RBMS1: variants seen among roughly 807,000 people sequenced by gnomAD.
The protein encoded by RBMS1 is RNA-binding motif, single-stranded-interacting protein 1.
Under a neutral mutation model 62.3 loss-of-function variants are expected in RBMS1, and 17 were observed. The ratio of observed to expected loss-of-function variants is 0.27; its 90% CI spans 0.19 to 0.41. The LOEUF (loss-of-function observed/expected upper bound fraction) is 0.41. Among genes scored for constraint, RBMS1 ranks in the 10% least tolerant of loss-of-function variants. The probability of loss-of-function intolerance (pLI) is 1.00; values close to 1 mark genes in which losing one functional copy is unlikely to be tolerated. For synonymous variants in RBMS1, 172 were observed against 170.0 expected (o/e 1.01, Z -0.09); for missense variants, 334 against 504.5 (o/e 0.66, Z 3.24).
At chr2:160,275,405 G>C in intron 13 of RBMS1, 1 of 684,778 alleles carries the variant, frequency 1.5e-6, no homozygotes, top group Non-Finnish European at 2.0e-6. Flanking sequence ...AGTGGGGAGA[G>C]TATACATTTG....
chr2:160,454,511 T>C (rs1316909934), intron 1 of RBMS1, among the ~76,000 whole-genome samples: 5 of 152,198 alleles, frequency 3.3e-5, no homozygotes, highest in Non-Finnish European at 2.9e-5. Flanking sequence ...ACTGGAACAA[T>C]GCAAAGTGAA....
intron 1 of RBMS1, among the ~76,000 whole-genome samples, chr2:160,387,789 A>AGGCTTTAAAATTATAT (rs1694662961): frequency 6.6e-6 from 1 of 152,002 alleles, no homozygotes; most frequent in Non-Finnish European, 1.5e-5. Flanking sequence ...CCACCCCATC[A>AGGCTTTAAAATTATAT]GGCAGTTACT....
chr2:160,347,161 T>C (rs1692231869), intron 2 of RBMS1, among the ~76,000 whole-genome samples: 2 of 152,122 alleles, frequency 1.3e-5, no homozygotes, highest in East Asian at 3.9e-4. Flanking sequence ...GGTGGGACCA[T>C]GGCTTTTTTC....
intron 1 of RBMS1, among the ~76,000 whole-genome samples, chr2:160,458,627 T>C (rs1684340385): frequency 6.6e-6 from 1 of 152,136 alleles, no homozygotes; most frequent in Non-Finnish European, 1.5e-5. Flanking sequence ...TAAAATCCCA[T>C]GTCTACTAAT....
chr2:160,381,684 G>A (rs772821656), intron 1 of RBMS1, among the ~76,000 whole-genome samples: 3 of 152,210 alleles, frequency 2.0e-5, no homozygotes, highest in Non-Finnish European at 4.4e-5. Context: ...TTGTTTGATA[G>A]AGAACTACTC....
In RBMS1 at chr2:160,313,150, A is replaced by G. The variant is rs776986827; in HGVS notation, c.402+6T>C. 8.7e-6 allele frequency: 14 copies of G among 1,612,934 alleles called. No homozygotes were observed. In the African/African-American group the frequency reaches 1.6e-4, roughly 18 times the overall value. Reference sequence around the variant, plus strand: ...ACAGAGAAGCAATTGCTGGCTCTCAACTCACCTTTGCCATTTGAGCTTGAA... The same window carrying G: ...ACAGAGAAGCAATTGCTGGCTCTCAGCTCACCTTTGCCATTTGAGCTTGAA... On this transcript the variant is annotated splice_donor_region_variant and intron_variant, in intron 4 of 13. Transcript: ENST00000348849.
intron 1 of RBMS1, among the ~76,000 whole-genome samples, chr2:160,461,497 T>C (rs1684464792): frequency 6.6e-6 from 1 of 152,178 alleles, no homozygotes; most frequent in Non-Finnish European, 1.5e-5. Context: ...CATTTCATTT[T>C]TGTAAAGTCA....
At chr2:160,369,809 G>C (rs548003368) in intron 1 of RBMS1, among the ~76,000 whole-genome samples, 2 of 152,176 alleles carry the variant, frequency 1.3e-5, no homozygotes, top group Non-Finnish European at 2.9e-5. Flanking sequence ...GATTTTGCCA[G>C]GAGTGGAAAG....
chr2:160,425,935 C>A (rs1036406844), intron 1 of RBMS1, among the ~76,000 whole-genome samples: 3 of 152,022 alleles, frequency 2.0e-5, no homozygotes, highest in Non-Finnish European at 4.4e-5. Flanking sequence ...AAGTATCCTG[C>A]TAAACAAGCA....
At chr2:160,440,088 G>A (rs1485796115) in intron 1 of RBMS1, among the ~76,000 whole-genome samples, 1 of 127,150 alleles carries the variant, frequency 7.9e-6, no homozygotes, top group African/African-American at 2.9e-5. Flanking sequence ...AGAGGGGAGA[G>A]GGGAGAGGGG....
intron 1 of RBMS1, among the ~76,000 whole-genome samples, chr2:160,388,735 C>T (rs1043324421): frequency 4.6e-5 from 7 of 152,212 alleles, no homozygotes; most frequent in Non-Finnish European, 7.3e-5. Flanking sequence ...AAGCAATTTC[C>T]GGTTCCCTGA....
intron 2 of RBMS1, among the ~76,000 whole-genome samples, chr2:160,361,360 A>C (rs1385722673): frequency 6.6e-6 from 1 of 152,214 alleles, no homozygotes; most frequent in African/African-American, 2.4e-5. Context: ...GCTATTTGTA[A>C]ATCTTTAAAA....
At chr2:160,420,306 GC>G (rs1326560394) in intron 1 of RBMS1, among the ~76,000 whole-genome samples, 1 of 151,958 alleles carries the variant, frequency 6.6e-6, no homozygotes, top group Non-Finnish European at 1.5e-5. Flanking sequence ...TCTGAGCTTT[GC>G]CAGGAAACAG....
chr2:160,444,970 C>A (rs940062941), intron 1 of RBMS1, among the ~76,000 whole-genome samples: 2 of 152,208 alleles, frequency 1.3e-5, no homozygotes, highest in Non-Finnish European at 2.9e-5. Flanking sequence ...GCTGTTTAAA[C>A]CACCCAGTCT....
chr2:160,292,264 T>G (rs1011668325), intron 6 of RBMS1, among the ~76,000 whole-genome samples: 2 of 152,208 alleles, frequency 1.3e-5, no homozygotes, highest in African/African-American at 4.8e-5. Context: ...ATGTCTCTGG[T>G]CTCATAATCT....
intron 6 of RBMS1, among the ~76,000 whole-genome samples, chr2:160,294,248 T>C (rs1333453102): frequency 6.6e-6 from 1 of 152,350 alleles, no homozygotes. Context: ...TAAGAAAAGA[T>C]AAAGCCTCTT....
intron 6 of RBMS1, among the ~76,000 whole-genome samples, chr2:160,299,339 A>C (rs748259109): frequency 2.0e-5 from 3 of 152,226 alleles, no homozygotes; most frequent in African/African-American, 7.2e-5. Context: ...GGCATGAAGT[A>C]ATTCATAGTT....
chr2:160,327,641 A>C (rs897377314), intron 2 of RBMS1, among the ~76,000 whole-genome samples: 1 of 152,162 alleles, frequency 6.6e-6, no homozygotes, highest in Non-Finnish European at 1.5e-5. Flanking sequence ...TCTTATGACA[A>C]TATTTTTACC....
At chr2:160,407,599 A>AGGGCGCAAGGAGGT (rs1186912652) in intron 1 of RBMS1, 1 of 981,160 alleles carries the variant, frequency 1.0e-6, no homozygotes, top group Non-Finnish European at 1.2e-6. Flanking sequence ...CGCGAGGGGG[A>AGGGCGCAAGGAGGT]GGGCGCAAGG....
Sources: allele counts gnomAD v4.1 joint callset (sites outside exome capture counted in the v4.1 genomes callset), GRCh38; gene constraint gnomAD v4.1.1; transcripts MANE v1.5; gene names NCBI Gene and HGNC (gene_info 2026-07-23, HGNC 2026-07-21).